Variants in SHTN1 observed in about 807,000 individuals in gnomAD.
The protein encoded by SHTN1 is shootin-1.
SHTN1 carries 42 observed loss-of-function variants against 83.1 expected under a neutral mutation model. The observed-to-expected ratio is 0.51, with a 90% confidence interval of 0.39 to 0.65. SHTN1 has a LOEUF of 0.65. Ranked by LOEUF, SHTN1 falls within the 30% of genes least tolerant of loss-of-function variation. SHTN1 has a pLI of 0.00. For synonymous variants in SHTN1, 224 were observed against 247.7 expected (o/e 0.90, Z 0.90); for missense variants, 622 against 737.8 (o/e 0.84, Z 1.82).
chr10:116,920,857 A>C (rs1848537101), intron 12 of SHTN1, among the ~76,000 whole-genome samples: 1 of 152,094 alleles, frequency 6.6e-6, no homozygotes, highest in African/African-American at 2.4e-5. Context: ...GTTTTACCCT[A>C]AACACCACCA....
chr10:116,976,669 A>C (rs563924187), intron 2 of SHTN1, among the ~76,000 whole-genome samples: 1 of 152,174 alleles, frequency 6.6e-6, no homozygotes, highest in Admixed American at 6.5e-5. Context: ...TCCGGAACTA[A>C]AGCTGCTTTT....
chr10:117,106,566 T>A (rs960145982), intron 1 of SHTN1, among the ~76,000 whole-genome samples: 2 of 152,178 alleles, frequency 1.3e-5, no homozygotes, highest in Non-Finnish European at 2.9e-5. Flanking sequence ...TGTGCAGTCT[T>A]CTCAGGCACA....
chr10:116,957,673 T>C (rs1278144647), intron 4 of SHTN1, among the ~76,000 whole-genome samples: 1 of 152,258 alleles, frequency 6.6e-6, no homozygotes, highest in African/African-American at 2.4e-5. Flanking sequence ...GCAAGTTTAA[T>C]GGCTTTGGAT....
rs1158397927 is a variant in SHTN1 at position 117,097,013 on chromosome 10, G to GCACA, written c.-189+29290_-189+29293dup. 7.1e-5 allele frequency among the ~76,000 whole-genome samples: 10 copies of GCACA among 141,760 alleles called. No individual in the cohort carries two copies. In the East Asian group the frequency reaches 2.1e-3, roughly 29 times the overall value. 93.0% of individuals were successfully genotyped at this position (141,760 alleles called of 152,430 possible). A position where few individuals can be genotyped will look rare whatever the true frequency, so the allele number is the denominator to read the frequency against. ...CAAACACCCAAGCGCGCACGCGCGCGCACACACACACACATAGACACACAC... is the reference window on the plus strand; with the variant it reads ...CAAACACCCAAGCGCGCACGCGCGCGCACACACACACACACACATAGACACACAC... On this transcript the variant is annotated intron_variant, in intron 1 of 17. Transcript: ENST00000392901.
intron 1 of SHTN1, among the ~76,000 whole-genome samples, chr10:117,068,446 C>G (rs533101074): frequency 4.0e-5 from 6 of 151,766 alleles, no homozygotes; most frequent in African/African-American, 1.2e-4. Flanking sequence ...TCTCGGATTA[C>G]AGCAAGCTGA....
intron 14 of SHTN1, chr10:116,911,534 G>C (rs1472077320): frequency 6.4e-7 from 1 of 1,550,414 alleles, no homozygotes; most frequent in Non-Finnish European, 8.7e-7. Flanking sequence ...CAGGATTGGA[G>C]GGCAAGAACA....
chr10:116,898,546 A>G (rs932761268), intron 16 of SHTN1, among the ~76,000 whole-genome samples: 1 of 152,142 alleles, frequency 6.6e-6, no homozygotes. Flanking sequence ...CATAATTCTG[A>G]TCTAAATTAT....
intron 1 of SHTN1, among the ~76,000 whole-genome samples, chr10:116,983,482 T>C (rs1428504099): frequency 6.6e-6 from 1 of 152,034 alleles, no homozygotes; most frequent in Non-Finnish European, 1.5e-5. Flanking sequence ...TAAAGAAAGG[T>C]GGCAAAGAAG....
At chr10:116,983,761 T>C (rs1442018845) in intron 1 of SHTN1, among the ~76,000 whole-genome samples, 1 of 151,888 alleles carries the variant, frequency 6.6e-6, no homozygotes, top group African/African-American at 2.4e-5. Flanking sequence ...CACACATATA[T>C]ATATTTAGAA....
At chr10:116,963,833 T>C (rs1046485207) in intron 3 of SHTN1, among the ~76,000 whole-genome samples, 18 of 152,320 alleles carry the variant, frequency 1.2e-4, no homozygotes, top group African/African-American at 3.8e-4. Flanking sequence ...CCTGAGAACA[T>C]AGAAGTATAA....
At chr10:116,993,407 G>A (rs946412974) in intron 1 of SHTN1, among the ~76,000 whole-genome samples, 13 of 152,108 alleles carry the variant, frequency 8.5e-5, no homozygotes, top group African/African-American at 2.4e-5. Context: ...ATAGCAATGA[G>A]CACTCGTAAA....
At chr10:117,105,826 C>T (rs551122059) in intron 1 of SHTN1, among the ~76,000 whole-genome samples, 1 of 152,086 alleles carries the variant, frequency 6.6e-6, no homozygotes, top group South Asian at 2.1e-4. Flanking sequence ...GAGACAGGCC[C>T]GGGCAACATA....
chr10:117,001,813 A>G (rs750079444), intron 1 of SHTN1, among the ~76,000 whole-genome samples: 8 of 152,214 alleles, frequency 5.3e-5, no homozygotes, highest in Non-Finnish European at 1.0e-4. Context: ...CTTGATCATT[A>G]TGCATTCTAA....
At chr10:116,890,492 T>C (rs1478988778) in intron 16 of SHTN1, among the ~76,000 whole-genome samples, 3 of 152,202 alleles carry the variant, frequency 2.0e-5, no homozygotes, top group Non-Finnish European at 4.4e-5. Flanking sequence ...CCAATAATTT[T>C]TTCTTACCAC....
At chr10:116,899,031 C>T (rs61545069) in intron 16 of SHTN1, among the ~76,000 whole-genome samples, 32 of 152,110 alleles carry the variant, frequency 2.1e-4, no homozygotes, top group East Asian at 9.7e-4. Flanking sequence ...GAAGATCTTA[C>T]GCAGATCATA....
At chr10:117,123,741 C>T (rs1004258236) in intron 1 of SHTN1, among the ~76,000 whole-genome samples, 1 of 150,076 alleles carries the variant, frequency 6.7e-6, no homozygotes, top group Non-Finnish European at 1.5e-5. Flanking sequence ...CCCATCTTTA[C>T]TAAAAATACA....
At chr10:117,113,780 T>C (rs1002023365) in intron 1 of SHTN1, among the ~76,000 whole-genome samples, 1 of 152,132 alleles carries the variant, frequency 6.6e-6, no homozygotes, top group African/African-American at 2.4e-5. Context: ...GCGCAGTGGA[T>C]CATGCCTGTA....
intron 1 of SHTN1, among the ~76,000 whole-genome samples, chr10:117,072,926 A>G (rs1001672022): frequency 6.6e-5 from 10 of 152,232 alleles, no homozygotes; most frequent in Admixed American, 2.6e-4. Flanking sequence ...GAGGCACCAG[A>G]GAAAGGCAAA....
intron 12 of SHTN1, among the ~76,000 whole-genome samples, chr10:116,917,557 G>T (rs1332638012): frequency 1.3e-5 from 2 of 152,138 alleles, no homozygotes; most frequent in African/African-American, 2.4e-5. Flanking sequence ...GCCATTTTGA[G>T]ACTAGGAAGA....
Sources: allele counts gnomAD v4.1 joint callset (sites outside exome capture counted in the v4.1 genomes callset), GRCh38; gene constraint gnomAD v4.1.1; transcripts MANE v1.5; gene names NCBI Gene and HGNC (gene_info 2026-07-23, HGNC 2026-07-21).